MVK: variants seen among roughly 807,000 people sequenced by gnomAD.
The protein encoded by MVK is LH receptor mRNA-binding protein.
In MVK, 34 loss-of-function variants were observed where a neutral mutation model predicts 43.2. The observed-to-expected ratio is 0.79, with a 90% CI of 0.60 to 1.05. The LOEUF is 1.05. Ranked by LOEUF, MVK falls within the 50% of genes least tolerant of loss-of-function variation. MVK has a pLI of 0.00. For missense variants in MVK, 395 were observed against 504.0 expected, an observed-to-expected ratio of 0.78 and a Z score of 2.07; for synonymous variants, 190 against 219.8, an observed-to-expected ratio of 0.86 and a Z score of 1.20.
intron 7 of MVK, chr12:109,588,406 G>C (rs959017261): frequency 1.3e-5 from 2 of 152,340 alleles, no homozygotes; most frequent in African/African-American, 4.8e-5. Flanking sequence ...GAAAACTGAT[G>C]AAGACGTGGG....
chr12:109,576,659 T>C (rs1593012418), intron 3 of MVK, among the ~76,000 whole-genome samples: 1 of 152,044 alleles, frequency 6.6e-6, no homozygotes, highest in Non-Finnish European at 1.5e-5. Context: ...TCATCTGAGG[T>C]CAGGAGTTCG....
chr12:109,575,569 T>G (rs897964821), intron 2 of MVK, among the ~76,000 whole-genome samples: 2 of 152,116 alleles, frequency 1.3e-5, no homozygotes, highest in Non-Finnish European at 2.9e-5. Context: ...TTTTCTTTTA[T>G]TTTTCTGTAG....
intron 9 of MVK, among the ~76,000 whole-genome samples, chr12:109,593,033 C>T (rs1885750506): frequency 6.6e-6 from 1 of 152,220 alleles, no homozygotes; most frequent in South Asian, 2.1e-4. Context: ...TGCAGCTCAG[C>T]TCCTGGACAG....
rs945849858 is a variant in MVK at position 109,586,013 on chromosome 12, T to C, written c.528-9T>C. On this transcript the variant is annotated splice_polypyrimidine_tract_variant and intron_variant, in intron 5 of 10. Coordinates refer to ENST00000228510, the MANE Select transcript of MVK (RefSeq NM_000431.4). ...CTGCCACAGTAAAGATGAACATCTGTGTCTTCAGGTGGACCAAGGAGGATT... is the reference window on the plus strand; with the variant it reads ...CTGCCACAGTAAAGATGAACATCTGCGTCTTCAGGTGGACCAAGGAGGATT... 3 of 1,609,798 alleles carry C rather than the reference T, an allele frequency of 1.9e-6. No homozygotes were observed. Among genetic ancestry groups the C allele is most frequent in the Admixed American group, 1.7e-5 (1 of 60,002 alleles).
chr12:109,594,324 G>T (rs541432714), intron 9 of MVK, among the ~76,000 whole-genome samples: 5 of 152,322 alleles, frequency 3.3e-5, no homozygotes, highest in East Asian at 1.9e-4. Flanking sequence ...AGAGCAGGAA[G>T]TTTATCCTGC....
At chr12:109,593,620 G>A (rs1885781008) in intron 9 of MVK, among the ~76,000 whole-genome samples, 1 of 151,896 alleles carries the variant, frequency 6.6e-6, no homozygotes, top group Non-Finnish European at 1.5e-5. Context: ...AAGTGGGGAT[G>A]ATGCTAACGT....
Position 109,579,889 on chromosome 12 carries a change from A to C in MVK, c.314A>C (p.Glu105Ala). The C allele has an allele frequency of 1.9e-6, 3 of 1,614,222 alleles. No homozygotes were observed. Among genetic ancestry groups the C allele is most frequent in the Non-Finnish European group, 2.5e-6 (3 of 1,180,042 alleles). ...TTGCCTGACGACTGTGCTGTCACCGAGCGCCTGGCTGTGCTGGCCTTTCTT... is the reference window on the plus strand; with the variant it reads ...TTGCCTGACGACTGTGCTGTCACCGCGCGCCTGGCTGTGCTGGCCTTTCTT... Reference protein sequence around the residue: ...AGLPDDCAVTERLAVLAFLYL... With the variant: ...AGLPDDCAVTARLAVLAFLYL... The change falls in exon 4 of 11, where the codon GAG (glutamate) becomes GCG (alanine). Residue 105 changes from glutamate to alanine, a missense_variant. By Grantham distance (107) the Glu-to-Ala change is moderately radical (BLOSUM62 -1). Transcript: ENST00000228510.
At position 109,596,453 on chromosome 12, in the gene MVK, C is replaced by T. The variant is rs104895342; in HGVS notation, c.1067C>T (p.Thr356Met). Residue 356 changes from threonine (T) to methionine (M), a missense_variant, in exon 11 of 11, where the codon ACG (threonine) becomes ATG (methionine). Thr to Met is a moderately conservative substitution (Grantham distance 81). Coordinates refer to ENST00000228510, the MANE Select transcript of MVK (RefSeq NM_000431.4). ...CTGGAGCAGCCAGAAGTGGAGGCCACGAAGCAGGCCCTGACCAGCTGTGGC... is the reference window on the plus strand; with the variant it reads ...CTGGAGCAGCCAGAAGTGGAGGCCATGAAGCAGGCCCTGACCAGCTGTGGC... Reference protein sequence around the residue: ...PGLEQPEVEATKQALTSCGFD... With the variant: ...PGLEQPEVEAMKQALTSCGFD... 1.0e-4 allele frequency: 164 copies of T among 1,613,580 alleles called. No homozygotes were observed. Among genetic ancestry groups the T allele is most frequent in the Admixed American group, 1.3e-4 (8 of 60,020 alleles).
chr12:109,586,928 T>A, intron 7 of MVK, 129 bp downstream of exon 7: 1 of 1,094,386 alleles, frequency 9.1e-7, no homozygotes, highest in Non-Finnish European at 1.4e-6. Context: ...AATGTGGCCC[T>A]CACAGTGCAC....
intron 4 of MVK, 123 bp downstream of exon 4, chr12:109,580,069 C>A: frequency 6.9e-7 from 1 of 1,441,008 alleles, no homozygotes; most frequent in Non-Finnish European, 9.6e-7. Flanking sequence ...ATTGGCTGTC[C>A]TCATCATGTG....
chr12:109,576,936 A>G (rs1305217796), intron 3 of MVK, among the ~76,000 whole-genome samples: 1 of 152,164 alleles, frequency 6.6e-6, no homozygotes, highest in Non-Finnish European at 1.5e-5. Context: ...AAATATAGTC[A>G]ATACTGGGAC....
In MVK at chr12:109,595,921, G is replaced by C. The variant is rs1016459884; in HGVS notation, c.1040-505G>C. On this transcript the variant is annotated intron_variant, in intron 10 of 10. Coordinates refer to ENST00000228510, the MANE Select transcript of MVK (RefSeq NM_000431.4). This position sits in a 1 kb window ranked among gnomAD's most constrained non-coding sequence, Gnocchi z 5.9. Reference sequence around the variant, plus strand: ...ACTCCATGATGGCTCCCAGGCCTCAGGAGGTGGCCACATCCTCACTCCAGC... The same window carrying C: ...ACTCCATGATGGCTCCCAGGCCTCACGAGGTGGCCACATCCTCACTCCAGC... Among the ~76,000 whole-genome samples, 1 of 152,184 alleles carries C rather than the reference G, an allele frequency of 6.6e-6. No homozygotes were observed. Among genetic ancestry groups the C allele is most frequent in the African/African-American group, 2.4e-5 (1 of 41,440 alleles).
intron 2 of MVK, among the ~76,000 whole-genome samples, chr12:109,575,730 C>T (rs1304142726): frequency 6.6e-6 from 1 of 152,118 alleles, no homozygotes; most frequent in Non-Finnish European, 1.5e-5. Context: ...TCATTGAAAA[C>T]ATGGTGATTA....
intron 3 of MVK, among the ~76,000 whole-genome samples, chr12:109,578,264 CTTT>C (rs60053584): frequency 2.1e-5 from 3 of 145,252 alleles, no homozygotes; most frequent in African/African-American, 7.6e-5. Context: ...AAACATTGAA[CTTT>C]TTTTTTTTTT....
chr12:109,575,807 A>G (rs1258178497), intron 2 of MVK, among the ~76,000 whole-genome samples, 191 bp from the exon 3 acceptor site: 3 of 152,196 alleles, frequency 2.0e-5, no homozygotes, highest in African/African-American at 7.2e-5. Flanking sequence ...AGTGGATTTT[A>G]ACTTTTAGCT....
intron 9 of MVK, among the ~76,000 whole-genome samples, chr12:109,593,433 G>C (rs189077757): frequency 6.6e-6 from 1 of 152,294 alleles, no homozygotes; most frequent in Non-Finnish European, 1.5e-5. Flanking sequence ...GGCAATCCAG[G>C]TGCCCCGGAA....
At chr12:109,579,179 ATGCAGCCTGGAG>A (rs1470847281) in intron 3 of MVK, 19 of 414,838 alleles carry the variant, frequency 4.6e-5, no homozygotes, top group Non-Finnish European at 8.5e-5. Context: ...TCACTCTGTT[ATGCAGCCTGGAG>A]TACAGTGGTG....
chr12:109,573,592 G>T (rs1370480273), upstream of MVK: 2 of 1,296,924 alleles, frequency 1.5e-6, no homozygotes, highest in Non-Finnish European at 2.1e-6. Context: ...TTATTGGTTC[G>T]CAGTTCTCAC....
chr12:109,581,361 G>A (rs746490063), intron 4 of MVK, 34 bp from the exon 5 acceptor site: 6 of 1,612,516 alleles, frequency 3.7e-6, no homozygotes, highest in Non-Finnish European at 5.1e-6. Context: ...CTGCCCTGCG[G>A]GAGAGTCACG....
Sources: gnomAD v4.1 joint callset for allele counts (sites outside exome capture counted in the v4.1 genomes callset) on GRCh38, gnomAD v4.1.1 for gene constraint, Gnocchi (gnomAD v3.1) non-coding constraint, MANE v1.5 for transcripts, NCBI Gene and HGNC (gene_info 2026-07-23, HGNC 2026-07-21) for gene names.